Variants in XRCC4 observed in about 807,000 individuals in gnomAD.
XRCC4 encodes X-ray repair cross complementing 4, also known as DNA repair protein XRCC4.
A neutral mutation model predicts 39.1 loss-of-function variants in XRCC4; 28 were observed. That is an observed-to-expected ratio of 0.72 (90% CI 0.53 to 0.98). The LOEUF is 0.98. Among genes scored for constraint, XRCC4 ranks in the 50% least tolerant of loss-of-function variants. The pLI is 0.00. For synonymous variants in XRCC4, 123 were observed against 126.4 expected (o/e 0.97, Z 0.18); for missense variants, 350 against 376.4 (o/e 0.93, Z 0.58).
At chr5:83,373,281 A>G in the XRCC4 span, among the ~76,000 whole-genome samples, 1 of 152,088 alleles carries the variant, frequency 6.6e-6, no homozygotes, top group African/African-American at 2.4e-5. Context: ...TAGCACGCAC[A>G]CTTCATTGAG....
intron 1 of XRCC4, among the ~76,000 whole-genome samples, chr5:83,098,658 G>A (rs1745787847): frequency 6.6e-6 from 1 of 151,874 alleles, no homozygotes; most frequent in Non-Finnish European, 1.5e-5. Context: ...AACTGACTTT[G>A]TGGTAGTTTT....
chr5:83,234,819 A>G (rs1752626594), intron 6 of XRCC4, among the ~76,000 whole-genome samples: 1 of 152,072 alleles, frequency 6.6e-6, no homozygotes, highest in African/African-American at 2.4e-5. Context: ...CATTTAAAAA[A>G]AAATTTTAAG....
intron 2 of XRCC4, among the ~76,000 whole-genome samples, chr5:83,105,787 G>A (rs1282554349): frequency 6.6e-6 from 1 of 152,002 alleles, no homozygotes; most frequent in Non-Finnish European, 1.5e-5. Context: ...GAGTTATGTT[G>A]TGAATAATGT....
intron 1 of XRCC4, among the ~76,000 whole-genome samples, chr5:83,094,445 T>C (rs1197304491): frequency 6.7e-6 from 1 of 149,514 alleles, no homozygotes; most frequent in Non-Finnish European, 1.5e-5. Context: ...CTTTTTCTTT[T>C]TTTCTTTGCT....
intron 1 of XRCC4, among the ~76,000 whole-genome samples, chr5:83,084,851 C>T (rs111414329): frequency 3.4e-4 from 52 of 152,182 alleles, no homozygotes; most frequent in African/African-American, 1.1e-3. Flanking sequence ...TCATTATTGT[C>T]GCAGCCTATA....
intron 6 of XRCC4, among the ~76,000 whole-genome samples, chr5:83,257,043 G>A (rs1228789137): frequency 6.6e-6 from 1 of 152,040 alleles, no homozygotes; most frequent in African/African-American, 2.4e-5. Flanking sequence ...AATCAAGAGA[G>A]GAATTTCAGT....
At chr5:83,100,286 G>T (rs1190488277) in intron 1 of XRCC4, among the ~76,000 whole-genome samples, 1 of 151,966 alleles carries the variant, frequency 6.6e-6, no homozygotes, top group Non-Finnish European at 1.5e-5. Flanking sequence ...TGAGTACCTA[G>T]AATTAGAAAA....
the XRCC4 span, among the ~76,000 whole-genome samples, chr5:83,360,560 C>A: frequency 2.6e-5 from 4 of 152,014 alleles, no homozygotes. Flanking sequence ...AATGAAATAA[C>A]AATATGCCAG....
intron 6 of XRCC4, among the ~76,000 whole-genome samples, chr5:83,211,555 A>G (rs1751645860): frequency 6.6e-6 from 1 of 152,170 alleles, no homozygotes; most frequent in Non-Finnish European, 1.5e-5. Context: ...TAGAGATAAT[A>G]CATATCTTCA....
intron 7 of XRCC4, among the ~76,000 whole-genome samples, chr5:83,288,386 TG>T (rs1665660995): frequency 1.3e-5 from 2 of 152,016 alleles, no homozygotes; most frequent in South Asian, 4.1e-4. Context: ...ACTCCAATAA[TG>T]CATTTGTCTT....
chr5:83,234,045 C>T (rs10514250), intron 6 of XRCC4, among the ~76,000 whole-genome samples: 7,104 of 152,072 alleles, frequency 0.047, 563 homozygotes, highest in African/African-American at 0.16. Context: ...GCGTTTTATA[C>T]GAACATCTCT....
intron 3 of XRCC4, among the ~76,000 whole-genome samples, chr5:83,178,992 GC>G (rs1750084819): frequency 6.6e-6 from 1 of 152,054 alleles, no homozygotes; most frequent in South Asian, 2.1e-4. Flanking sequence ...CTCTTATTTA[GC>G]CTTCAAGTCT....
chr5:83,094,346 C>T (rs1237926678), intron 1 of XRCC4, among the ~76,000 whole-genome samples: 1 of 122,362 alleles, frequency 8.2e-6, no homozygotes, highest in Non-Finnish European at 1.7e-5. Context: ...CCCTCCGCTC[C>T]CCTCTCTTCC....
At chr5:83,274,706 GA>G (rs1754264227) in intron 7 of XRCC4, among the ~76,000 whole-genome samples, 2 of 152,184 alleles carry the variant, frequency 1.3e-5, no homozygotes, top group African/African-American at 4.8e-5. Context: ...AAGATTGAAA[GA>G]AAGGTAATGC....
At chr5:83,143,168 T>TA (rs1748266066) in intron 3 of XRCC4, among the ~76,000 whole-genome samples, 1 of 152,196 alleles carries the variant, frequency 6.6e-6, no homozygotes, top group African/African-American at 2.4e-5. Context: ...TTAAATGACT[T>TA]ACGAAAGTCC....
chr5:83,291,007 G>A lies in XRCC4; in HGVS notation c.893+32330G>A, dbSNP rs1234107496. On this transcript the variant is annotated intron_variant, in intron 7 of 7. Transcript: ENST00000396027. ...AAAACTTTAAAATCAACAGATGAAT[G>A]TGAATACATTCTGGTAGAAAATAAA... is the stretch of plus-strand genomic sequence containing the variant. Among the ~76,000 whole-genome samples the A allele has an allele frequency of 7.2e-5, 11 of 151,996 alleles. No individual in the cohort carries two copies. The East Asian group carries it at 7.7e-4, about 11-fold the overall frequency.
At chr5:83,120,592 G>C (rs548998300) in intron 3 of XRCC4, among the ~76,000 whole-genome samples, 2 of 152,284 alleles carry the variant, frequency 1.3e-5, no homozygotes, top group African/African-American at 4.8e-5. Flanking sequence ...ACATTTTTGA[G>C]ATGTCTCATT....
At chr5:83,344,669 T>C (rs1019058356) in intron 7 of XRCC4, among the ~76,000 whole-genome samples, 5 of 152,116 alleles carry the variant, frequency 3.3e-5, no homozygotes, top group Admixed American at 2.6e-4. Context: ...TGGAGAGACA[T>C]TTGGGTAGTT....
chr5:83,097,690 T>G (rs1263619228), intron 1 of XRCC4, among the ~76,000 whole-genome samples: 7 of 152,144 alleles, frequency 4.6e-5, no homozygotes, highest in Admixed American at 4.6e-4. Context: ...GAGTTCTTGT[T>G]GAAAAAGACT....
Sources: allele counts gnomAD v4.1 joint callset (sites outside exome capture counted in the v4.1 genomes callset), GRCh38; gene constraint gnomAD v4.1.1; transcripts MANE v1.5; gene names NCBI Gene and HGNC (gene_info 2026-07-23, HGNC 2026-07-21).